EVC2: variants seen among roughly 807,000 people sequenced by gnomAD.
EVC2 encodes limbin.
EVC2 carries 148 observed loss-of-function variants against 149.3 expected under a neutral mutation model. The observed-to-expected ratio is 0.99, with a 90% confidence interval of 0.87 to 1.14. The LOEUF is 1.14. EVC2 is among the 50% of genes most tolerant of loss of function. The pLI is 0.00. For synonymous variants in EVC2, 776 were observed against 649.9 expected (o/e 1.19, Z -2.95); for missense variants, 1,854 against 1,627.3 (o/e 1.14, Z -2.40).
Position 5,686,071 on chromosome 4 carries a change from A to T in EVC2, c.707-592T>A, listed in dbSNP as rs1458863608. 5.4e-5 allele frequency among the ~76,000 whole-genome samples: 8 copies of T among 147,592 alleles called. No homozygotes were observed. The highest frequency in any genetic ancestry group is 1.5e-4 in the African/African-American group (6 of 39,956). On this transcript the variant is annotated intron_variant, in intron 5 of 21. Coordinates refer to ENST00000344408, the MANE Select transcript of EVC2 (RefSeq NM_147127.5). This position sits in a 1 kb window ranked among gnomAD's most constrained non-coding sequence, Gnocchi z 5.4. ...AGATACATATATACACACATATATAACATATATACACACACATATATATTA... is the reference window on the plus strand; with the variant it reads ...AGATACATATATACACACATATATATCATATATACACACACATATATATTA...
chr4:5,608,065 TC>T (rs1214852347), intron 16 of EVC2, among the ~76,000 whole-genome samples: 1 of 152,024 alleles, frequency 6.6e-6, no homozygotes, highest in African/African-American at 2.4e-5. Flanking sequence ...ACACACCAAC[TC>T]CACCACTCGA....
At position 5,657,434 on chromosome 4, in the gene EVC2, CCA is replaced by C. The variant is rs1453394951; in HGVS notation, c.1145+5671_1145+5672del. Among the ~76,000 whole-genome samples the C allele has an allele frequency of 6.6e-6, 1 of 152,080 alleles. No individual in the cohort carries two copies. The highest frequency in any genetic ancestry group is 2.4e-5 in the African/African-American group (1 of 41,426). ...GAATCTCCCTGCAAGAGTGTCCCAG[CCA>C]CAGGACATCCTTGGAGGAAGCTGGG... On this transcript the variant is annotated intron_variant, in intron 9 of 21. Transcript: ENST00000344408. This position sits in a 1 kb window ranked among gnomAD's most constrained non-coding sequence, Gnocchi z 4.7.
Position 5,618,403 on chromosome 4 carries a change from A to C in EVC2, c.2706+75T>G. 6.4e-7 allele frequency: 1 copy of C among 1,561,184 alleles called. No homozygotes were observed. The stretch of plus-strand genomic sequence containing the variant: ...GTGAGATGGGCTCAGGCTGGGGAAG[A>C]GGCCAGACCCTGTAGGGCCAGCAGC... On this transcript the variant is annotated intron_variant, in intron 15 of 21. Transcript: ENST00000344408. The surrounding 1 kb of genome is among the most constrained non-coding windows in gnomAD (Gnocchi z 4.4).
At chr4:5,541,818 G>C (rs768567689), downstream of EVC2, among the ~76,000 whole-genome samples, 1 of 152,104 alleles carries the variant, frequency 6.6e-6, no homozygotes, top group Non-Finnish European at 1.5e-5. Context: ...TTACATGGCG[G>C]GGCCTGTTCT....
chr4:5,646,146 G>A (rs1717694281), intron 9 of EVC2, among the ~76,000 whole-genome samples: 2 of 152,122 alleles, frequency 1.3e-5, no homozygotes, highest in African/African-American at 4.8e-5. Flanking sequence ...GGTCAGGCTG[G>A]TCTCGAACTC....
At chr4:5,650,763 C>A (rs895435013) in intron 9 of EVC2, among the ~76,000 whole-genome samples, 2 of 150,036 alleles carry the variant, frequency 1.3e-5, no homozygotes, top group Admixed American at 6.7e-5. Flanking sequence ...AATTAAAATA[C>A]CTTTTTCAAA....
chr4:5,529,216 G>A, the EVC2 span, among the ~76,000 whole-genome samples: 2 of 152,118 alleles, frequency 1.3e-5, no homozygotes, highest in African/African-American at 4.8e-5. This position sits in a 1 kb window ranked among gnomAD's most constrained non-coding sequence, Gnocchi z 4.5. Flanking sequence ...ACCTCATTCA[G>A]GGGGTAAAGT....
intron 15 of EVC2, among the ~76,000 whole-genome samples, 159 bp from the exon 16 acceptor site, chr4:5,615,703 T>C (rs905117038): frequency 6.6e-6 from 1 of 152,214 alleles, no homozygotes; most frequent in Non-Finnish European, 1.5e-5. Context: ...TATGTTCTTC[T>C]GGAAGGAGCT....
Position 5,556,278 on chromosome 4 carries a change from A to G in EVC2, c.3419+8980T>C, listed in dbSNP as rs1013404959. On this transcript the variant is annotated intron_variant and NMD_transcript_variant, in intron 21 of 22. Coordinates refer to the EVC2 transcript ENST00000475313. Reference sequence around the variant, plus strand: ...CACCATAGAATTAAACTAGAAATCAATAAAGGGAAATAAACAGAATATAGC... The same window carrying G: ...CACCATAGAATTAAACTAGAAATCAGTAAAGGGAAATAAACAGAATATAGC... Among the ~76,000 whole-genome samples the G allele has an allele frequency of 3.3e-5, 5 of 151,876 alleles. No homozygotes were observed. In the East Asian group the frequency reaches 9.6e-4, roughly 29 times the overall value.
intron 21 of EVC2, among the ~76,000 whole-genome samples, chr4:5,548,313 T>C (rs1208356684): frequency 6.6e-6 from 1 of 150,728 alleles, no homozygotes; most frequent in Non-Finnish European, 1.5e-5. Flanking sequence ...AAAACTTCTC[T>C]TCACCTGGAA....
chr4:5,680,909 A>G (rs924884187), intron 7 of EVC2, among the ~76,000 whole-genome samples: 12 of 152,238 alleles, frequency 7.9e-5, no homozygotes, highest in Non-Finnish European at 1.6e-4. Flanking sequence ...CACAGACTGC[A>G]GGCTTTGGGA....
At chr4:5,550,206 A>T (rs987567436) in intron 21 of EVC2, among the ~76,000 whole-genome samples, 2 of 152,222 alleles carry the variant, frequency 1.3e-5, no homozygotes, top group African/African-American at 4.8e-5. Context: ...TGGGTATCAG[A>T]CATGTTGGAA....
intron 10 of EVC2, 124 bp from the exon 11 acceptor site, chr4:5,632,156 G>T: frequency 7.8e-7 from 1 of 1,280,072 alleles, no homozygotes; most frequent in Non-Finnish European, 1.1e-6. Context: ...ACAGATGCAT[G>T]CACATATGCA....
intron 15 of EVC2, among the ~76,000 whole-genome samples, chr4:5,617,494 C>A (rs4282111): frequency 1.3e-5 from 2 of 152,086 alleles, no homozygotes; most frequent in Non-Finnish European, 2.9e-5. Flanking sequence ...GCACCTACTA[C>A]GCACTTAGCA....
rs181983790 is a variant in EVC2, at chr4:5,550,271, T to C, written c.3420-7059A>G. Among the ~76,000 whole-genome samples, 41 of 152,284 alleles carry C rather than the reference T, an allele frequency of 2.7e-4. No homozygotes were observed. The East Asian group carries it at 5.4e-3, about 20-fold the overall frequency. On this transcript the variant is annotated intron_variant and NMD_transcript_variant, in intron 21 of 22. Transcript: ENST00000475313. ...AAATGTGGGAAAGTTTGGAACTCCA[T>C]AGAGACTTGTTGAATGGCTTTGACC...
At chr4:5,661,678 G>C (rs1718882451) in intron 9 of EVC2, among the ~76,000 whole-genome samples, 1 of 152,174 alleles carries the variant, frequency 6.6e-6, no homozygotes, top group African/African-American at 2.4e-5. Flanking sequence ...GGAACGACAA[G>C]GCCATGCTGA....
chr4:5,650,626 TATATATATATATAGAG>T lies in EVC2; in HGVS notation c.1146-9804_1146-9789del, dbSNP rs1239458680. Among the ~76,000 whole-genome samples the T allele has an allele frequency of 4.8e-3, 400 of 83,208 alleles. 4 individuals are homozygous for T. The highest frequency in any genetic ancestry group is 5.0e-3 in the Non-Finnish European group (200 of 40,052). 54.6% of individuals were successfully genotyped at this position (83,208 alleles called of 152,430 possible). A position where few individuals can be genotyped will look rare whatever the true frequency, so the allele number is the denominator to read the frequency against. On this transcript the variant is annotated intron_variant, in intron 9 of 21. Coordinates refer to ENST00000344408, the MANE Select transcript of EVC2 (RefSeq NM_147127.5). ...CGCCATATATATATATATATATATA[TATATATATATATAGAG>T]AGAGAGAGAGAGAGAGAGAGAGAGA...
chr4:5,532,066 T>C, the EVC2 span, among the ~76,000 whole-genome samples: 1 of 152,122 alleles, frequency 6.6e-6, no homozygotes, highest in African/African-American at 2.4e-5. Context: ...AAATTTTTGA[T>C]CTGCAGTTGG....
intron 9 of EVC2, among the ~76,000 whole-genome samples, chr4:5,653,646 T>A (rs1553844672): frequency 6.6e-6 from 1 of 152,188 alleles, no homozygotes; most frequent in Non-Finnish European, 1.5e-5. Context: ...TAGCTAATAA[T>A]AATGTATCAA....
Sources: gnomAD v4.1 joint callset for allele counts (sites outside exome capture counted in the v4.1 genomes callset) on GRCh38, gnomAD v4.1.1 for gene constraint, Gnocchi (gnomAD v3.1) non-coding constraint, MANE v1.5 for transcripts, NCBI Gene and HGNC (gene_info 2026-07-23, HGNC 2026-07-21) for gene names.